The following N4BP2L2 variants were observed in gnomAD, a reference collection of about 807,000 sequenced individuals.
N4BP2L2 encodes NEDD4 binding protein 2 like 2.
In N4BP2L2, 50 loss-of-function variants were observed where a neutral mutation model predicts 56.2. That is an observed-to-expected ratio of 0.89 (90% confidence interval 0.71 to 1.13). The LOEUF (loss-of-function observed/expected upper bound fraction) is 1.13, where lower values mean the gene tolerates loss of function less well. Among genes scored for constraint, N4BP2L2 ranks in the 50% most tolerant of loss-of-function variants. The probability of loss-of-function intolerance (pLI) is 0.00; values close to 1 mark genes in which losing one functional copy is unlikely to be tolerated. For missense variants in N4BP2L2, 689 were observed against 693.8 expected (o/e 0.99, Z 0.08); for synonymous variants, 203 against 223.6 (o/e 0.91, Z 0.82).
chr13:32,445,634 A>C (rs2076944343), intron 6 of N4BP2L2, among the ~76,000 whole-genome samples: 1 of 152,182 alleles, frequency 6.6e-6, no homozygotes, highest in African/African-American at 2.4e-5. Context: ...GGGTACTTGG[A>C]AATGTGTAAA....
intron 1 of N4BP2L2, among the ~76,000 whole-genome samples, chr13:32,537,885 T>G (rs1301312392): frequency 6.6e-6 from 1 of 151,868 alleles, no homozygotes; most frequent in Non-Finnish European, 1.5e-5. Context: ...CCTGGCAACA[T>G]GGCCTAACTC....
chr13:32,441,690 C>CATAAATAAATAAATAA (rs199951664), intron 7 of N4BP2L2, among the ~76,000 whole-genome samples: 1 of 137,632 alleles, frequency 7.3e-6, no homozygotes, highest in Non-Finnish European at 1.5e-5. Flanking sequence ...CTCTCAAAAA[C>CATAAATAAATAAATAA]ATAAATAAAT....
chr13:32,450,002 A>G (rs573609128), intron 6 of N4BP2L2, among the ~76,000 whole-genome samples: 2 of 152,362 alleles, frequency 1.3e-5, no homozygotes, highest in Admixed American at 1.3e-4. Flanking sequence ...AGTAATTGAT[A>G]GAACAATGAG....
At chr13:32,524,575 T>G (rs193070666) in intron 3 of N4BP2L2, 20 of 152,346 alleles carry the variant, frequency 1.3e-4, no homozygotes, top group African/African-American at 4.3e-4. Context: ...TAAAATTAAT[T>G]TAGATTATTT....
intron 6 of N4BP2L2, among the ~76,000 whole-genome samples, chr13:32,493,727 A>G (rs1019502417): frequency 2.0e-5 from 3 of 152,378 alleles, no homozygotes; most frequent in Admixed American, 6.5e-5. Context: ...AAACCTTCAT[A>G]TAACTGCCTG....
intron 2 of N4BP2L2, among the ~76,000 whole-genome samples, chr13:32,527,782 T>TC (rs1298108731): frequency 2.0e-5 from 3 of 151,058 alleles, no homozygotes; most frequent in African/African-American, 7.3e-5. Flanking sequence ...AGAAACTCTT[T>TC]TTTTTTTTTT....
At chr13:32,525,275 A>G (rs1475263944) in intron 3 of N4BP2L2, 1 of 152,112 alleles carries the variant, frequency 6.6e-6, no homozygotes. Context: ...AAAAAATAAA[A>G]AAATTAATAT....
chr13:32,517,179 T>C, exon 6 of N4BP2L2: 7 of 985,364 alleles, frequency 7.1e-6, no homozygotes, highest in Non-Finnish European at 8.4e-6. Context: ...ATGATAACTA[T>C]GTATGCATTA....
chr13:32,450,151 G>A (rs1461881487), intron 6 of N4BP2L2, among the ~76,000 whole-genome samples: 7 of 151,998 alleles, frequency 4.6e-5, no homozygotes, highest in South Asian at 2.1e-4. Context: ...CATAAAGCTA[G>A]ACCTCCACAG....
rs947787079 is a variant in N4BP2L2, at chr13:32,516,797, T to G, written c.*1005A>C. The G allele has an allele frequency of 3.8e-5, 23 of 609,288 alleles. No homozygotes were observed. In the African/African-American group the frequency reaches 4.6e-4, roughly 12 times the overall value. The allele number at this position is 609,288 out of a possible 1,614,324, so 37.7% of individuals were successfully genotyped here. The stretch of plus-strand genomic sequence containing the variant: ...GGTATTAAGAGAAGTAGTAGTGTTT[T>G]TTTCCTCATGTTGCAAAGAGAAATG... On this transcript the variant is annotated 3_prime_UTR_variant, in exon 6 of 6. Coordinates refer to ENST00000267068, the Ensembl canonical transcript of N4BP2L2.
chr13:32,475,246 C>T (rs918060226), intron 6 of N4BP2L2, among the ~76,000 whole-genome samples: 1 of 152,164 alleles, frequency 6.6e-6, no homozygotes, highest in Non-Finnish European at 1.5e-5. Context: ...GAAACAGCTC[C>T]GTTGTCTGGG....
At chr13:32,504,205 C>CT (rs1324001439) in intron 6 of N4BP2L2, among the ~76,000 whole-genome samples, 1 of 152,202 alleles carries the variant, frequency 6.6e-6, no homozygotes. Flanking sequence ...CTCCAAAGTG[C>CT]TTCTCAACTA....
At chr13:32,512,465 A>C (rs556648843) in exon 6 of N4BP2L2, 1 of 152,314 alleles carries the variant, frequency 6.6e-6, no homozygotes, top group South Asian at 2.1e-4. Flanking sequence ...AACATATTCC[A>C]TTCTGGGAAG....
intron 6 of N4BP2L2, among the ~76,000 whole-genome samples, chr13:32,498,146 G>T (rs1440920845): frequency 1.3e-5 from 2 of 151,904 alleles, no homozygotes. Flanking sequence ...CACCATACTT[G>T]GCTAATTTTT....
chr13:32,494,877 G>T (rs2088167735), intron 6 of N4BP2L2, among the ~76,000 whole-genome samples: 1 of 152,034 alleles, frequency 6.6e-6, no homozygotes, highest in African/African-American at 2.4e-5. Context: ...AATCTGGCTG[G>T]CCAAAACCTC....
chr13:32,459,247 G>T (rs1315167227), intron 6 of N4BP2L2, among the ~76,000 whole-genome samples: 2 of 151,694 alleles, frequency 1.3e-5, no homozygotes, highest in Admixed American at 1.3e-4. Context: ...AGCAAAAACA[G>T]CCAACCCCAA....
chr13:32,489,907 CT>C (rs2086691290), intron 6 of N4BP2L2, among the ~76,000 whole-genome samples: 3 of 152,074 alleles, frequency 2.0e-5, no homozygotes, highest in African/African-American at 7.2e-5. Context: ...ATAATAAACA[CT>C]AAAAAAGATC....
chr13:32,536,515 T>G (rs1170271678), exon 2 of N4BP2L2: 1 of 1,613,858 alleles, frequency 6.2e-7, no homozygotes. Flanking sequence ...ACTGGAATAA[T>G]TCATTGTCAA....
chr13:32,520,338 C>A (rs560700415), intron 5 of N4BP2L2, among the ~76,000 whole-genome samples: 1 of 144,590 alleles, frequency 6.9e-6, no homozygotes. Context: ...AAGGTGGGGA[C>A]GAGGAAGACG....
Sources: allele counts gnomAD v4.1 joint callset (sites outside exome capture counted in the v4.1 genomes callset), GRCh38; gene constraint gnomAD v4.1.1; transcripts MANE v1.5; gene names NCBI Gene and HGNC (gene_info 2026-07-23, HGNC 2026-07-21).